Variants in ZNF521 observed in about 807,000 individuals in gnomAD.
The protein encoded by ZNF521 is zinc finger protein 521.
ZNF521 carries 14 observed loss-of-function variants against 105.5 expected under a neutral mutation model. The observed-to-expected ratio is 0.13, with a 90% CI of 0.09 to 0.21. The LOEUF (loss-of-function observed/expected upper bound fraction) is 0.21. Among genes scored for constraint, ZNF521 ranks in the 10% least tolerant of loss-of-function variants. The pLI is 1.00. For synonymous variants in ZNF521, 635 were observed against 606.0 expected (o/e 1.05, Z -0.70); for missense variants, 1,233 against 1,629.7 (o/e 0.76, Z 4.19).
At chr18:25,205,300 C>G (rs955105953) in intron 4 of ZNF521, among the ~76,000 whole-genome samples, 2 of 151,954 alleles carry the variant, frequency 1.3e-5, no homozygotes, top group African/African-American at 4.8e-5. Flanking sequence ...TAGTTAACTT[C>G]TTACATTGAC....
intron 3 of ZNF521, among the ~76,000 whole-genome samples, chr18:25,245,996 C>T (rs371150201): frequency 6.6e-6 from 1 of 151,988 alleles, no homozygotes; most frequent in South Asian, 2.1e-4. Flanking sequence ...GAGTGAGACC[C>T]TTCTCTTAAA....
intron 5 of ZNF521, among the ~76,000 whole-genome samples, chr18:25,110,332 G>A (rs1015110530): frequency 4.6e-5 from 7 of 152,170 alleles, no homozygotes; most frequent in Non-Finnish European, 8.8e-5. Context: ...CCTGCGCCTT[G>A]GGTCCTGCCT....
At chr18:25,152,209 T>G (rs184719518) in intron 5 of ZNF521, among the ~76,000 whole-genome samples, 2 of 152,188 alleles carry the variant, frequency 1.3e-5, no homozygotes, top group Non-Finnish European at 2.9e-5. Context: ...CTGGGCATGG[T>G]GGCTCACGCC....
At chr18:25,105,227 T>C (rs1325493956) in intron 5 of ZNF521, among the ~76,000 whole-genome samples, 4 of 152,152 alleles carry the variant, frequency 2.6e-5, no homozygotes, top group Non-Finnish European at 1.5e-5. Flanking sequence ...GGACCTAGAA[T>C]CTAGGCATCT....
chr18:25,249,473 T>A (rs543220632), intron 3 of ZNF521, among the ~76,000 whole-genome samples: 5 of 151,770 alleles, frequency 3.3e-5, no homozygotes, highest in African/African-American at 4.8e-5. Context: ...TTCTTTCTTT[T>A]TTTTTTTTAA....
intron 5 of ZNF521, among the ~76,000 whole-genome samples, chr18:25,117,080 CACAT>C (rs779540085): frequency 0.58 from 58,777 of 100,938 alleles, 12,489 homozygotes; most frequent in South Asian, 0.71. Context: ...CACACACACA[CACAT>C]ACACACATCC....
intron 5 of ZNF521, among the ~76,000 whole-genome samples, chr18:25,163,893 A>G (rs905881076): frequency 1.3e-5 from 2 of 152,184 alleles, no homozygotes; most frequent in Non-Finnish European, 2.9e-5. Flanking sequence ...TTGGGTTTAC[A>G]GAAAAGCTGT....
At position 25,226,139 on chromosome 18, in the gene ZNF521, A is replaced by G; in HGVS notation, c.1779T>C (p.Asn593=). ...TGGATTTCTTCCCATTGTGGATATAATTCAGGGCCAAGGGAATGTTTTTAT... is the reference window on the plus strand; with the variant it reads ...TGGATTTCTTCCCATTGTGGATATAGTTCAGGGCCAAGGGAATGTTTTTAT... ...ENHKNIPLAL[N]YIHNGKKSRA... is the part of the protein sequence containing the mutation. The change falls in exon 4 of 8, where the codon AAT becomes AAC. Residue 593 remains asparagine, a synonymous_variant. Coordinates refer to ENST00000361524, the MANE Select transcript of ZNF521 (RefSeq NM_015461.3). The surrounding 1 kb of genome is among the most constrained non-coding windows in gnomAD (Gnocchi z 4.1). 5.6e-6 allele frequency: 9 copies of G among 1,614,184 alleles called. No homozygotes were observed. The highest frequency in any genetic ancestry group is 7.6e-6 in the Non-Finnish European group (9 of 1,180,038).
intron 3 of ZNF521, among the ~76,000 whole-genome samples, chr18:25,243,772 T>G (rs1907512657): frequency 6.6e-6 from 1 of 152,188 alleles, no homozygotes; most frequent in South Asian, 2.1e-4. Flanking sequence ...TTTCATAAAT[T>G]TTTTAAAATT....
At chr18:25,158,968 A>G (rs1311430987) in intron 5 of ZNF521, among the ~76,000 whole-genome samples, 2 of 151,560 alleles carry the variant, frequency 1.3e-5, no homozygotes, top group Admixed American at 6.6e-5. Flanking sequence ...AAAAAAAAAA[A>G]GAAAGGTAAA....
rs528091828 is a variant in ZNF521 at position 25,064,918 on chromosome 18, G to C, written c.3907-2177C>G. Among the ~76,000 whole-genome samples, 32 of 152,236 alleles carry C rather than the reference G, an allele frequency of 2.1e-4. 2 individuals carry two copies. In the South Asian group the frequency reaches 6.2e-3, roughly 30 times the overall value. On this transcript the variant is annotated intron_variant, in intron 7 of 7. Coordinates refer to ENST00000361524, the MANE Select transcript of ZNF521 (RefSeq NM_015461.3). ...AGCCTCAGAGTGAATACAGGAAATAGCAAATTGTTTTTATGCCAGCTCTTT... is the reference window on the plus strand; with the variant it reads ...AGCCTCAGAGTGAATACAGGAAATACCAAATTGTTTTTATGCCAGCTCTTT...
chr18:25,337,298 C>A (rs1462859898), intron 2 of ZNF521, among the ~76,000 whole-genome samples: 1 of 152,068 alleles, frequency 6.6e-6, no homozygotes, highest in Admixed American at 6.5e-5. Flanking sequence ...AAAGCGCTGA[C>A]AATACCAAAA....
chr18:25,203,595 G>A (rs1350772300), intron 4 of ZNF521, among the ~76,000 whole-genome samples: 1 of 152,032 alleles, frequency 6.6e-6, no homozygotes, highest in Non-Finnish European at 1.5e-5. Context: ...CCAGCCTGGG[G>A]GACAGACTGA....
intron 3 of ZNF521, among the ~76,000 whole-genome samples, chr18:25,270,345 G>T (rs1274721250): frequency 6.6e-6 from 1 of 152,044 alleles, no homozygotes; most frequent in African/African-American, 2.4e-5. Context: ...CATACCAGAG[G>T]TACAAAGAGG....
chr18:25,281,857 C>A (rs967297479), intron 3 of ZNF521, among the ~76,000 whole-genome samples: 1 of 151,922 alleles, frequency 6.6e-6, no homozygotes, highest in Non-Finnish European at 1.5e-5. Context: ...ATAAAGCATG[C>A]GGTCAAAAAT....
At chr18:25,214,962 C>T (rs192448526) in intron 4 of ZNF521, among the ~76,000 whole-genome samples, 13 of 151,852 alleles carry the variant, frequency 8.6e-5, no homozygotes, top group South Asian at 4.2e-4. Flanking sequence ...AATGACGAGG[C>T]GAAAGACGAA....
chr18:25,142,164 G>A (rs1308968366), intron 5 of ZNF521, among the ~76,000 whole-genome samples: 1 of 152,040 alleles, frequency 6.6e-6, no homozygotes, highest in African/African-American at 2.4e-5. Flanking sequence ...CAGTAGAGTA[G>A]TCACAGAAGC....
At chr18:25,271,713 A>G (rs1600239344) in intron 3 of ZNF521, among the ~76,000 whole-genome samples, 1 of 152,240 alleles carries the variant, frequency 6.6e-6, no homozygotes, top group Non-Finnish European at 1.5e-5. Context: ...TTGGCTAGCC[A>G]TATGCAGAAA....
chr18:25,229,487 T>TC (rs1469776356), intron 3 of ZNF521, among the ~76,000 whole-genome samples: 1 of 152,074 alleles, frequency 6.6e-6, no homozygotes. Flanking sequence ...ATACTTAAAG[T>TC]GAATACACCA....
Sources: allele counts gnomAD v4.1 joint callset (sites outside exome capture counted in the v4.1 genomes callset), GRCh38; gene constraint gnomAD v4.1.1; non-coding constraint Gnocchi (gnomAD v3.1); transcripts MANE v1.5; gene names NCBI Gene and HGNC (gene_info 2026-07-23, HGNC 2026-07-21).